The following SLIT1 variants were observed in gnomAD, a reference collection of about 807,000 sequenced individuals.
SLIT1 encodes slit homolog 1 protein.
Under a neutral mutation model 186.1 loss-of-function variants are expected in SLIT1, and 66 were observed. The observed-to-expected ratio is 0.35, with a 90% CI of 0.29 to 0.44. The LOEUF is 0.44. Ranked by LOEUF, SLIT1 falls within the 20% of genes least tolerant of loss-of-function variation. The pLI, the probability that SLIT1 is intolerant of heterozygous loss-of-function variation, is 1.00. For missense variants in SLIT1, 1,638 were observed against 2,037.4 expected (o/e 0.80, Z 3.77); for synonymous variants, 761 against 833.8 (o/e 0.91, Z 1.50).
intron 16 of SLIT1, 96 bp downstream of exon 16, chr10:97,047,594 C>A (rs920676685): frequency 4.6e-6 from 6 of 1,310,182 alleles, no homozygotes; most frequent in Non-Finnish European, 6.4e-6. Context: ...TGGTTCAGCC[C>A]CAGACAGGGC....
chr10:97,053,514 GCCT>G (rs1457812569), intron 13 of SLIT1, among the ~76,000 whole-genome samples: 3 of 152,162 alleles, frequency 2.0e-5, no homozygotes, highest in African/African-American at 2.4e-5. Flanking sequence ...CTTTTACTCA[GCCT>G]GTTTGGAACC....
chr10:97,121,737 G>A (rs1018153919), intron 4 of SLIT1, among the ~76,000 whole-genome samples: 2 of 152,172 alleles, frequency 1.3e-5, no homozygotes, highest in African/African-American at 4.8e-5. Context: ...CCTCTCAGAC[G>A]TGTAGTTCTT....
At chr10:97,145,661 G>T (rs1276393839) in intron 4 of SLIT1, among the ~76,000 whole-genome samples, 4 of 152,192 alleles carry the variant, frequency 2.6e-5, no homozygotes, top group Admixed American at 1.3e-4. Flanking sequence ...GAGGGAAAAA[G>T]AGCCAGAGAT....
intron 25 of SLIT1, 36 bp downstream of exon 25, chr10:97,030,721 C>T: frequency 6.4e-7 from 1 of 1,551,276 alleles, no homozygotes; most frequent in Admixed American, 1.7e-5. Context: ...CTGTTGAAAT[C>T]CAAAGAGGCC....
At position 97,013,775 on chromosome 10, in the gene SLIT1, C is replaced by T. The variant is rs1268952425; in HGVS notation, c.3169G>A (p.Glu1057Lys). Reference sequence around the variant, plus strand: ...TCCGGGGTGCCCACACACTGGGCCTCGTGTTGACATGGGTTCAGATCCGGA... The same window carrying T: ...TCCGGGGTGCCCACACACTGGGCCTTGTGTTGACATGGGTTCAGATCCGGA... The part of the protein sequence containing the change: ...CSPDLNPCQH[E>K]AQCVGTPDGP... The change falls in exon 30 of 37, where the codon GAG (glutamate) becomes AAG (lysine). Residue 1057 changes from glutamate to lysine, a missense_variant. Coordinates refer to ENST00000266058, the MANE Select transcript of SLIT1 (RefSeq NM_003061.3). 9.0e-6 allele frequency: 14 copies of T among 1,551,508 alleles called. No individual in the cohort carries two copies. The highest frequency in any genetic ancestry group is 7.3e-5 in the East Asian group (3 of 40,922).
chr10:97,156,937 G>A (rs4919076), intron 4 of SLIT1, among the ~76,000 whole-genome samples: 1 of 152,114 alleles, frequency 6.6e-6, no homozygotes, highest in Non-Finnish European at 1.5e-5. Flanking sequence ...AACAATTAAG[G>A]GAACTAAAAA....
rs1213700811 is a variant in SLIT1, at chr10:97,057,874, GT to G, written c.1086-594del. ...AGACATGGGTGGGTTCAGGAGGACA[GT>G]GAAAACATCCAGGAGGTTTGGGGAG... On this transcript the variant is annotated intron_variant, in intron 11 of 36. Coordinates refer to ENST00000266058, the MANE Select transcript of SLIT1 (RefSeq NM_003061.3). The G allele has an allele frequency of 7.5e-6, 5 of 662,706 alleles. No individual in the cohort carries two copies. The African/African-American group carries it at 8.9e-5, about 12-fold the overall frequency. 41.1% of individuals were successfully genotyped at this position (662,706 alleles called of 1,614,324 possible).
At position 97,046,803 on chromosome 10, in the gene SLIT1, A is replaced by G; in HGVS notation, c.1710-6T>C. The G allele has an allele frequency of 1.9e-6, 3 of 1,611,264 alleles. No homozygotes were observed. Among genetic ancestry groups the G allele is most frequent in the Non-Finnish European group, 2.5e-6 (3 of 1,179,960 alleles). On this transcript the variant is annotated splice_region_variant and splice_polypyrimidine_tract_variant and intron_variant, in intron 17 of 36. Coordinates refer to ENST00000266058, the MANE Select transcript of SLIT1 (RefSeq NM_003061.3). ...CCTTGTTGTTGCTCAGATTGCTGGG[A>G]GAAGAGGCGGGGGGAGGATTACATA...
rs995969245 is a variant in SLIT1, at chr10:97,002,326, T to C, written c.4198A>G (p.Ser1400Gly). Residue 1400 changes from serine to glycine, a missense_variant, in exon 36 of 37, where the codon AGC becomes GGC. Ser to Gly is a moderately conservative substitution (Grantham distance 56). This residue lies in a region of SLIT1 where 220 missense variants were observed against 211.3 expected (regional missense o/e 1.04). Coordinates refer to ENST00000266058, the MANE Select transcript of SLIT1 (RefSeq NM_003061.3). ...GAGTACCCATCCTGGCACTGGCAGCTGTAGGAAAGAGCGTCGAGGGGCACG... is the reference window on the plus strand; with the variant it reads ...GAGTACCCATCCTGGCACTGGCAGCCGTAGGAAAGAGCGTCGAGGGGCACG... ...QCVPLDALSY[S>G]CQCQDGYSGA... is the part of the protein sequence containing the mutation. 3 of 1,611,232 alleles carry C rather than the reference T, an allele frequency of 1.9e-6. No individual in the cohort carries two copies. The highest frequency in any genetic ancestry group is 2.5e-6 in the Non-Finnish European group (3 of 1,179,442).
chr10:97,090,616 A>G (rs1260891139), intron 4 of SLIT1, among the ~76,000 whole-genome samples: 1 of 152,174 alleles, frequency 6.6e-6, no homozygotes, highest in Non-Finnish European at 1.5e-5. Context: ...CAGTGAAAGC[A>G]AGAAGCAACC....
At chr10:97,164,683 A>C in intron 2 of SLIT1, 136 bp downstream of exon 2, 1 of 704,168 alleles carries the variant, frequency 1.4e-6, no homozygotes, top group Non-Finnish European at 2.6e-6. Flanking sequence ...GACACCCCTC[A>C]GGATGTCTTG....
At chr10:97,134,976 G>T (rs1009641919) in intron 4 of SLIT1, among the ~76,000 whole-genome samples, 1 of 152,166 alleles carries the variant, frequency 6.6e-6, no homozygotes, top group African/African-American at 2.4e-5. Context: ...GGACCCACCA[G>T]CTCTGAAAAG....
intron 11 of SLIT1, 77 bp downstream of exon 11, chr10:97,059,383 C>T: frequency 2.5e-6 from 3 of 1,206,620 alleles, no homozygotes; most frequent in Non-Finnish European, 3.7e-6. Context: ...CTCCTGCATC[C>T]ACCAGGACCC....
At chr10:97,093,054 G>C (rs1399769920) in intron 4 of SLIT1, among the ~76,000 whole-genome samples, 2 of 152,192 alleles carry the variant, frequency 1.3e-5, no homozygotes, top group African/African-American at 4.8e-5. Flanking sequence ...CTTAACCACT[G>C]TACAAAAAAC....
chr10:97,003,954 A>T, intron 34 of SLIT1, 114 bp downstream of exon 34: 5 of 1,010,606 alleles, frequency 4.9e-6, no homozygotes, highest in Non-Finnish European at 7.3e-6. Context: ...CTTGGCCACC[A>T]CCAGGATCAT....
rs777415295 is a variant in SLIT1, at chr10:97,047,028, T to C, written c.1672A>G (p.Thr558Ala). The C allele has an allele frequency of 2.0e-5, 33 of 1,612,800 alleles. No homozygotes were observed. The highest frequency in any genetic ancestry group is 2.8e-5 in the Non-Finnish European group (33 of 1,178,854). Residue 558 changes from threonine (T) to alanine (A), a missense_variant, in exon 17 of 37, where the codon ACT becomes GCT. Physicochemically the swap from Thr to Ala is moderately conservative, Grantham distance 58 (BLOSUM62 0). Transcript: ENST00000266058. ...TGTGTAAGTTTTTTAAACATCCCAG[T>C]GGCCTCCAGGATGGAAATCTCATTG... Reference protein sequence around the residue: ...NNNEISILEATGMFKKLTHLK... With the variant: ...NNNEISILEAAGMFKKLTHLK...
chr10:97,024,233 T>C (rs1379020432), intron 25 of SLIT1, among the ~76,000 whole-genome samples: 1 of 152,180 alleles, frequency 6.6e-6, no homozygotes, highest in African/African-American at 2.4e-5. Context: ...CAGCAGTGGC[T>C]CTGAACAGGA....
chr10:97,176,103 G>A (rs146141742), intron 1 of SLIT1, among the ~76,000 whole-genome samples: 81 of 152,246 alleles, frequency 5.3e-4, no homozygotes, highest in African/African-American at 1.8e-3. Context: ...ACACAGGCAC[G>A]TCTCAGAGCC....
chr10:97,122,431 C>T (rs1392232096), intron 4 of SLIT1, among the ~76,000 whole-genome samples: 2 of 152,184 alleles, frequency 1.3e-5, no homozygotes, highest in Admixed American at 6.5e-5. Flanking sequence ...GGTGAAGCCA[C>T]GGTGTCGAGA....
Sources: gnomAD v4.1 joint callset for allele counts (sites outside exome capture counted in the v4.1 genomes callset) on GRCh38, gnomAD v4.1.1 for gene constraint, gnomAD v4.1.1 regional missense constraint, MANE v1.5 for transcripts, NCBI Gene and HGNC (gene_info 2026-07-23, HGNC 2026-07-21) for gene names.